The following KALRN variants were observed in gnomAD, a reference collection of about 807,000 sequenced individuals.
KALRN encodes the protein kalirin RhoGEF kinase, also known as kalirin.
In KALRN, 70 loss-of-function variants were observed where a neutral mutation model predicts 353.7. The observed-to-expected ratio is 0.20, with a 90% CI of 0.16 to 0.24. The LOEUF (loss-of-function observed/expected upper bound fraction) is 0.24. Among genes scored for constraint, KALRN ranks in the 10% least tolerant of loss-of-function variants. KALRN has a pLI of 1.00. For synonymous variants in KALRN, 1,391 were observed against 1,434.8 expected (o/e 0.97, Z 0.69); for missense variants, 2,791 against 3,756.7 (o/e 0.74, Z 6.72).
At chr3:124,623,812 CT>C (rs2079603209) in intron 34 of KALRN, among the ~76,000 whole-genome samples, 1 of 152,136 alleles carries the variant, frequency 6.6e-6, no homozygotes, top group South Asian at 2.1e-4. Flanking sequence ...TAATGAAAGG[CT>C]ACCTAAGTAG....
At position 124,679,530 on chromosome 3, in the gene KALRN, A is replaced by G; in HGVS notation, c.7377+13A>G. 2 of 1,608,280 alleles carry G rather than the reference A, an allele frequency of 1.2e-6. No homozygotes were observed. Reference sequence around the variant, plus strand: ...TACTAGCATGGAGGTAGAAGCAGCTATTGTTGTCCTATTTCCTACAATGAT... The same window carrying G: ...TACTAGCATGGAGGTAGAAGCAGCTGTTGTTGTCCTATTTCCTACAATGAT... On this transcript the variant is annotated intron_variant, in intron 51 of 59. Transcript: ENST00000682506.
At chr3:124,394,284 G>C (rs2089878031) in intron 11 of KALRN, among the ~76,000 whole-genome samples, 1 of 152,168 alleles carries the variant, frequency 6.6e-6, no homozygotes, top group Non-Finnish European at 1.5e-5. Flanking sequence ...AACACTCCTG[G>C]TTTCAAAGCA....
chr3:124,087,603 A>G (rs931248100), intron 1 of KALRN, among the ~76,000 whole-genome samples: 9 of 152,172 alleles, frequency 5.9e-5, no homozygotes, highest in Admixed American at 1.3e-4. Context: ...GTGACTTAGA[A>G]CATCAATTTA....
intron 27 of KALRN, 76 bp downstream of exon 27, chr3:124,477,410 T>C: frequency 6.5e-6 from 7 of 1,082,926 alleles, no homozygotes; most frequent in African/African-American, 1.6e-5. Context: ...AATGGATGGA[T>C]ATTTAGCTAT....
At chr3:124,227,900 A>G (rs1335198321) in intron 1 of KALRN, 90 bp from the exon 2 acceptor site, 4 of 1,024,002 alleles carry the variant, frequency 3.9e-6, no homozygotes, top group Middle Eastern at 2.2e-4. Context: ...TTGCCGGCTG[A>G]TGATGGGATT....
chr3:124,439,143 C>A (rs940014067), intron 18 of KALRN, 106 bp downstream of exon 18: 3 of 1,033,124 alleles, frequency 2.9e-6, no homozygotes, highest in Admixed American at 5.1e-5. Flanking sequence ...CTCTCTCTTT[C>A]TCTTTCTCTC....
At chr3:124,674,918 A>T (rs1210442898) in intron 49 of KALRN, 3 of 237,120 alleles carry the variant, frequency 1.3e-5, no homozygotes, top group East Asian at 1.8e-4. Flanking sequence ...ACCCTAGGTG[A>T]CAAAAGGTGT....
intron 10 of KALRN, among the ~76,000 whole-genome samples, chr3:124,354,193 G>T (rs7614068): frequency 0.052 from 7,846 of 152,240 alleles, 652 homozygotes; most frequent in African/African-American, 0.18. Context: ...ACATTCAGAA[G>T]AAATTGGGGT....
At chr3:124,504,875 G>A (rs767449185) in intron 33 of KALRN, 31 of 493,632 alleles carry the variant, frequency 6.3e-5, no homozygotes, top group Non-Finnish European at 1.1e-4. Flanking sequence ...TTGGTGGAAG[G>A]AGAAAGCAAA....
chr3:124,379,003 A>G (rs2086954915), intron 10 of KALRN, among the ~76,000 whole-genome samples: 1 of 151,978 alleles, frequency 6.6e-6, no homozygotes, highest in South Asian at 2.1e-4. Flanking sequence ...TATCTTTTCC[A>G]ATACCCTCCT....
intron 5 of KALRN, among the ~76,000 whole-genome samples, chr3:124,288,325 G>A (rs2076132887): frequency 6.6e-6 from 1 of 152,204 alleles, no homozygotes; most frequent in Non-Finnish European, 1.5e-5. Context: ...AGGAGGAGAT[G>A]AGACTTCAAT....
intron 13 of KALRN, among the ~76,000 whole-genome samples, chr3:124,404,656 C>CT (rs34848980): frequency 0.26 from 34,407 of 131,320 alleles, 5,449 homozygotes; most frequent in East Asian, 0.81. Context: ...TAGTCTTTTT[C>CT]TTTTTTTTTT....
intron 33 of KALRN, among the ~76,000 whole-genome samples, chr3:124,542,008 G>A (rs2069091589): frequency 1.3e-5 from 2 of 152,180 alleles, no homozygotes; most frequent in South Asian, 4.1e-4. Context: ...TCTTCTTAGG[G>A]TAGCTTTTCA....
chr3:124,655,485 G>A, intron 38 of KALRN, 116 bp from the exon 39 acceptor site: 1 of 742,964 alleles, frequency 1.3e-6, no homozygotes, highest in South Asian at 1.7e-5. Context: ...GATAAGTGTG[G>A]GTGTTTTAAG....
chr3:124,710,027 C>A (rs190735298), intron 57 of KALRN, among the ~76,000 whole-genome samples: 1 of 152,330 alleles, frequency 6.6e-6, no homozygotes, highest in East Asian at 1.9e-4. Flanking sequence ...CAGAATAATT[C>A]CTTCAAAATT....
chr3:124,681,461 G>A (rs1042414395), intron 51 of KALRN, among the ~76,000 whole-genome samples: 15 of 152,050 alleles, frequency 9.9e-5, no homozygotes, highest in East Asian at 1.9e-4. Flanking sequence ...ATGCATGTCC[G>A]AAAAGTTTTC....
chr3:124,721,102 G>A lies in KALRN; in HGVS notation c.*1632G>A, dbSNP rs2063347293. On this transcript the variant is annotated 3_prime_UTR_variant, in exon 60 of 60. Coordinates refer to ENST00000682506, the MANE Select transcript of KALRN (RefSeq NM_001388419.1). ...CCTATCTAAATGAAAAAGAAATGGT[G>A]GAAACTAAGCCTGAACTTTAACATA... The A allele has an allele frequency of 6.6e-6, 1 of 152,042 alleles. No individual in the cohort carries two copies. Among genetic ancestry groups the A allele is most frequent in the African/African-American group, 2.4e-5 (1 of 41,398 alleles). The allele number at this position is 152,042 out of a possible 1,614,324, so 9.4% of individuals were successfully genotyped here.
At chr3:124,328,749 G>T (rs1401886431) in intron 7 of KALRN, among the ~76,000 whole-genome samples, 6 of 152,196 alleles carry the variant, frequency 3.9e-5, no homozygotes, top group African/African-American at 1.4e-4. Context: ...TACCAGAACT[G>T]AGAAAACTGG....
intron 24 of KALRN, among the ~76,000 whole-genome samples, chr3:124,462,236 G>A (rs188949246): frequency 3.9e-5 from 6 of 152,304 alleles, no homozygotes; most frequent in Admixed American, 6.5e-5. Context: ...GACACAGTCA[G>A]TGAACTTAAA....
Sources: gnomAD v4.1 joint callset for allele counts (sites outside exome capture counted in the v4.1 genomes callset) on GRCh38, gnomAD v4.1.1 for gene constraint, MANE v1.5 for transcripts, NCBI Gene and HGNC (gene_info 2026-07-23, HGNC 2026-07-21) for gene names.